The following CSMD1 variants were observed in gnomAD, a reference collection of about 807,000 sequenced individuals.
The protein encoded by CSMD1 is CUB and Sushi multiple domains 1, also known as CUB and sushi domain-containing protein 1.
A neutral mutation model predicts 417.5 loss-of-function variants in CSMD1; 213 were observed. That is an observed-to-expected ratio of 0.51 (90% CI 0.46 to 0.57). The LOEUF is 0.57. CSMD1 is among the 20% of genes least tolerant of loss of function. CSMD1 has a pLI of 0.00. For synonymous variants in CSMD1, 2,862 were observed against 1,736.8 expected (o/e 1.65, Z -16.11); for missense variants, 6,923 against 4,529.7 (o/e 1.53, Z -15.17).
At chr8:4,163,087 A>T (rs1240637356) in intron 3 of CSMD1, among the ~76,000 whole-genome samples, 1 of 152,192 alleles carries the variant, frequency 6.6e-6, no homozygotes, top group Non-Finnish European at 1.5e-5. Context: ...TTTAGCAATG[A>T]ATAATATTCC....
intron 1 of CSMD1, among the ~76,000 whole-genome samples, chr8:4,882,759 TA>T (rs564063161): frequency 4.2e-4 from 63 of 151,714 alleles, no homozygotes; most frequent in African/African-American, 8.2e-4. Context: ...AATTATCTTT[TA>T]AAAAAAACAG....
chr8:3,383,257 A>G (rs1810755837), intron 18 of CSMD1, among the ~76,000 whole-genome samples: 1 of 152,258 alleles, frequency 6.6e-6, no homozygotes. Context: ...CACATTAAAC[A>G]TGCAGTTTAC....
At chr8:3,800,213 A>C (rs139723685) in intron 5 of CSMD1, among the ~76,000 whole-genome samples, 5 of 152,184 alleles carry the variant, frequency 3.3e-5, no homozygotes, top group African/African-American at 7.2e-5. Flanking sequence ...AACTTTCAAC[A>C]AACTTATTGA....
At chr8:4,835,387 C>T (rs6992550) in intron 1 of CSMD1, among the ~76,000 whole-genome samples, 133,890 of 152,106 alleles carry the variant, frequency 0.88, 59,860 homozygotes, top group East Asian at 0.98. Context: ...ATTTGGGAAG[C>T]TGAGCATATG....
At chr8:4,135,853 T>A (rs1053042439) in intron 3 of CSMD1, among the ~76,000 whole-genome samples, 7 of 152,304 alleles carry the variant, frequency 4.6e-5, no homozygotes, top group South Asian at 2.1e-4. Flanking sequence ...GGCATTTTTT[T>A]AAATCTAATA....
intron 5 of CSMD1, among the ~76,000 whole-genome samples, chr8:3,764,167 C>G (rs949647172): frequency 2.6e-5 from 4 of 152,144 alleles, no homozygotes; most frequent in African/African-American, 9.7e-5. Flanking sequence ...CCAGGGACCC[C>G]TCCTCCATTT....
chr8:4,569,181 C>A (rs1325233589), intron 2 of CSMD1, among the ~76,000 whole-genome samples: 1 of 152,144 alleles, frequency 6.6e-6, no homozygotes, highest in African/African-American at 2.4e-5. Context: ...GCTTTTGTTG[C>A]CATTTCTTTT....
chr8:4,199,628 CATAA>C (rs1292877185), intron 3 of CSMD1, among the ~76,000 whole-genome samples: 5 of 152,134 alleles, frequency 3.3e-5, no homozygotes, highest in African/African-American at 9.7e-5. Context: ...TTTTGCTTTG[CATAA>C]ATAAAGACTT....
chr8:4,298,565 G>C (rs563272640), intron 3 of CSMD1, among the ~76,000 whole-genome samples: 34 of 152,150 alleles, frequency 2.2e-4, no homozygotes, highest in African/African-American at 7.7e-4. Flanking sequence ...TGTACCCAAT[G>C]AATTTATGTA....
At chr8:4,686,045 T>C (rs1449158496) in intron 1 of CSMD1, among the ~76,000 whole-genome samples, 17 of 152,232 alleles carry the variant, frequency 1.1e-4, no homozygotes, top group Non-Finnish European at 2.1e-4. Context: ...AGGGAGGTAA[T>C]TGGCAGTTTT....
chr8:4,754,544 G>GTTT (rs34906339), intron 1 of CSMD1, among the ~76,000 whole-genome samples: 106 of 145,482 alleles, frequency 7.3e-4, no homozygotes, highest in African/African-American at 2.5e-3. Context: ...TGCACACTTT[G>GTTT]TTTTTTTTTT....
At chr8:3,255,684 C>A (rs759286950) in intron 26 of CSMD1, among the ~76,000 whole-genome samples, 11 of 152,236 alleles carry the variant, frequency 7.2e-5, no homozygotes, top group Non-Finnish European at 1.3e-4. Flanking sequence ...GGGATATAAT[C>A]TCCTGGTGTG....
chr8:4,930,486 G>A (rs543489885), intron 1 of CSMD1, among the ~76,000 whole-genome samples: 1 of 152,140 alleles, frequency 6.6e-6, no homozygotes, highest in Non-Finnish European at 1.5e-5. Flanking sequence ...GCACAGCTGT[G>A]CTGAAAATTG....
chr8:3,286,401 C>T (rs922495540), intron 25 of CSMD1, among the ~76,000 whole-genome samples: 1 of 152,120 alleles, frequency 6.6e-6, no homozygotes, highest in African/African-American at 2.4e-5. Flanking sequence ...GGAATGGCCA[C>T]ACTGACTTCC....
At chr8:3,707,357 C>A (rs1004348741) in intron 7 of CSMD1, among the ~76,000 whole-genome samples, 1 of 152,140 alleles carries the variant, frequency 6.6e-6, no homozygotes, top group African/African-American at 2.4e-5. Flanking sequence ...CCACTAATTG[C>A]TAGGCAACGG....
At chr8:4,621,605 A>T (rs1231607103) in intron 2 of CSMD1, among the ~76,000 whole-genome samples, 1 of 152,126 alleles carries the variant, frequency 6.6e-6, no homozygotes, top group African/African-American at 2.4e-5. Context: ...TCTGTCTTAA[A>T]TTTTATCTAG....
At chr8:3,284,730 C>T (rs139272781) in intron 25 of CSMD1, 2 of 214,754 alleles carry the variant, frequency 9.3e-6, no homozygotes, top group African/African-American at 2.3e-5. Flanking sequence ...AAGGCAGCTT[C>T]GGTGCAGTCA....
chr8:3,495,407 C>G (rs1585251510), intron 10 of CSMD1, among the ~76,000 whole-genome samples: 1 of 137,176 alleles, frequency 7.3e-6, no homozygotes. Flanking sequence ...GCAATGTGTA[C>G]AGATAGGGGT....
intron 5 of CSMD1, among the ~76,000 whole-genome samples, chr8:3,972,328 T>C (rs911211947): frequency 5.9e-5 from 9 of 152,226 alleles, no homozygotes; most frequent in African/African-American, 1.7e-4. Flanking sequence ...TTTTCCAAGA[T>C]TGTCACTTTT....
Sources: gnomAD v4.1 joint callset for allele counts (sites outside exome capture counted in the v4.1 genomes callset) on GRCh38, gnomAD v4.1.1 for gene constraint, MANE v1.5 for transcripts, NCBI Gene and HGNC (gene_info 2026-07-23, HGNC 2026-07-21) for gene names.